The following RAP1GAP2 variants were observed in gnomAD, a reference collection of about 807,000 sequenced individuals.
RAP1GAP2 encodes RAP1 GTPase activating protein 2.
RAP1GAP2 carries 27 observed loss-of-function variants against 95.0 expected under a neutral mutation model. The ratio of observed to expected loss-of-function variants is 0.28; its 90% CI spans 0.21 to 0.39. The LOEUF is 0.39. Ranked by LOEUF, RAP1GAP2 falls within the 10% of genes least tolerant of loss-of-function variation. RAP1GAP2 has a pLI of 1.00. For synonymous variants in RAP1GAP2, 373 were observed against 380.9 expected, an observed-to-expected ratio of 0.98 and a Z score of 0.24; for missense variants, 771 against 970.0, an observed-to-expected ratio of 0.79 and a Z score of 2.72.
rs771499244 is a variant in RAP1GAP2 at position 2,998,296 on chromosome 17, G to A, written c.1120G>A (p.Asp374Asn). The part of the protein sequence containing the change: ...FQEENTPFVP[D>N]MIASNFLHAY... Reference sequence around the variant, plus strand: ...AGAGGAAAACACGCCGTTTGTCCCAGACATGATAGCCTCCAATTTCTTACA... The same window carrying A: ...AGAGGAAAACACGCCGTTTGTCCCAAACATGATAGCCTCCAATTTCTTACA... The change falls in exon 14 of 25, where the codon GAC becomes AAC. Residue 374 changes from aspartate to asparagine, a missense_variant. Asp to Asn is a conservative substitution (Grantham distance 23, BLOSUM62 1). Coordinates refer to ENST00000254695, the MANE Select transcript of RAP1GAP2 (RefSeq NM_015085.5). The A allele has an allele frequency of 1.2e-6, 2 of 1,614,074 alleles. No homozygotes were observed. The highest frequency in any genetic ancestry group is 1.7e-5 in the Admixed American group (1 of 60,034).
intron 2 of RAP1GAP2, among the ~76,000 whole-genome samples, chr17:2,838,990 T>A (rs1036760906): frequency 3.3e-5 from 5 of 151,378 alleles, no homozygotes; most frequent in African/African-American, 1.2e-4. Context: ...CTGGTAGACA[T>A]TTTTTTTTAA....
At chr17:3,017,916 CGTGTGT>C (rs56791699) in intron 17 of RAP1GAP2, 139 bp from the exon 18 acceptor site, 248 of 561,980 alleles carry the variant, frequency 4.4e-4, no homozygotes, top group East Asian at 1.5e-3. Flanking sequence ...CCTCTGTGAC[CGTGTGT>C]GTGTGTGTGT....
At chr17:3,010,765 T>C (rs8065180) in intron 17 of RAP1GAP2, among the ~76,000 whole-genome samples, 78,877 of 151,930 alleles carry the variant, frequency 0.52, 20,691 homozygotes, top group Middle Eastern at 0.66. Context: ...TTCTTTTCAA[T>C]ACTAAAACCC....
chr17:2,994,011 G>A (rs1056966428), intron 12 of RAP1GAP2, among the ~76,000 whole-genome samples: 2 of 152,098 alleles, frequency 1.3e-5, no homozygotes, highest in Admixed American at 6.5e-5. Flanking sequence ...ACACCATTGC[G>A]CTCCAGCCTG....
chr17:2,992,814 G>A (rs1462145890), intron 12 of RAP1GAP2, among the ~76,000 whole-genome samples: 9 of 151,948 alleles, frequency 5.9e-5, no homozygotes, highest in African/African-American at 1.9e-4. Flanking sequence ...GCTGTCTGGG[G>A]TCAGTCACAC....
At chr17:3,015,144 C>G (rs142567965) in intron 17 of RAP1GAP2, among the ~76,000 whole-genome samples, 2 of 152,158 alleles carry the variant, frequency 1.3e-5, no homozygotes, top group African/African-American at 4.8e-5. Context: ...AAATAGAACG[C>G]GCTGACTGTT....
intron 3 of RAP1GAP2, among the ~76,000 whole-genome samples, chr17:2,946,207 G>A (rs2043692885): frequency 6.6e-6 from 1 of 152,210 alleles, no homozygotes; most frequent in Non-Finnish European, 1.5e-5. Flanking sequence ...CGTTGAGGAT[G>A]TCTGACTCTA....
Position 2,963,776 on chromosome 17 carries a change from A to C in RAP1GAP2, c.280-80A>C. 2 of 1,225,254 alleles carry C rather than the reference A, an allele frequency of 1.6e-6. No individual in the cohort carries two copies. The highest frequency in any genetic ancestry group is 2.3e-6 in the Non-Finnish European group (2 of 882,414). 75.9% of individuals were successfully genotyped at this position (1,225,254 alleles called of 1,614,324 possible). ...GGTACCAGGCCCCACTCCTGGGAGC[A>C]GCGCAGAGGGGACACCGCCACCGGC... is the stretch of plus-strand genomic sequence containing the variant. On this transcript the variant is annotated intron_variant, in intron 6 of 24. Coordinates refer to ENST00000254695, the MANE Select transcript of RAP1GAP2 (RefSeq NM_015085.5). This position sits in a 1 kb window ranked among gnomAD's most constrained non-coding sequence, Gnocchi z 4.8.
intron 2 of RAP1GAP2, among the ~76,000 whole-genome samples, chr17:2,862,234 C>A (rs952720898): frequency 6.6e-6 from 1 of 152,172 alleles, no homozygotes; most frequent in Admixed American, 6.6e-5. Flanking sequence ...CTGGAACTGC[C>A]GCCTGATTGG....
intron 1 of RAP1GAP2, among the ~76,000 whole-genome samples, chr17:2,757,802 C>T (rs2071172940): frequency 6.6e-6 from 1 of 152,064 alleles, no homozygotes; most frequent in African/African-American, 2.4e-5. Context: ...TGTTTTGACT[C>T]ATCCTCCCAA....
rs1192729943 is a variant in RAP1GAP2, at chr17:3,016,852, G to A, written c.1495-1209G>A. ...GCCCGGGGTTACTCAGCTAATGCGTGCTGGAGTAGAGGGCCCAGAAGCCCA... is the reference window on the plus strand; with the variant it reads ...GCCCGGGGTTACTCAGCTAATGCGTACTGGAGTAGAGGGCCCAGAAGCCCA... On this transcript the variant is annotated intron_variant, in intron 17 of 24. Transcript: ENST00000254695. Among the ~76,000 whole-genome samples, 3 of 152,216 alleles carry A rather than the reference G, an allele frequency of 2.0e-5. No homozygotes were observed. The East Asian group carries it at 5.8e-4, about 29-fold the overall frequency.
At chr17:2,787,508 G>A (rs2068814818) in intron 1 of RAP1GAP2, among the ~76,000 whole-genome samples, 1 of 151,954 alleles carries the variant, frequency 6.6e-6, no homozygotes, top group African/African-American at 2.4e-5. Context: ...CCCCTGCCTT[G>A]GCCTCCCAAA....
chr17:2,933,818 A>C (rs2043227005), intron 3 of RAP1GAP2, among the ~76,000 whole-genome samples: 1 of 152,234 alleles, frequency 6.6e-6, no homozygotes, highest in Middle Eastern at 3.4e-3. Context: ...CTTTGGGGGA[A>C]GACTGGAAGT....
chr17:2,984,640 G>C (rs1014347627), intron 10 of RAP1GAP2, among the ~76,000 whole-genome samples: 3 of 152,114 alleles, frequency 2.0e-5, no homozygotes, highest in Non-Finnish European at 4.4e-5. Flanking sequence ...CCAGTTTTGG[G>C]GTTTTGGCTT....
In RAP1GAP2 at chr17:2,827,876, C is replaced by T. The variant is rs1468314453; in HGVS notation, c.80+27326C>T. Reference sequence around the variant, plus strand: ...CATACACGATCGGTTGCAGCAGGCACGCCAGTGACGGTGGGGGCCCAGGGG... The same window carrying T: ...CATACACGATCGGTTGCAGCAGGCATGCCAGTGACGGTGGGGGCCCAGGGG... On this transcript the variant is annotated intron_variant, in intron 2 of 24. Coordinates refer to ENST00000254695, the MANE Select transcript of RAP1GAP2 (RefSeq NM_015085.5). This position sits in a 1 kb window ranked among gnomAD's most constrained non-coding sequence, Gnocchi z 4.1. Among the ~76,000 whole-genome samples, 5 of 151,982 alleles carry T rather than the reference C, an allele frequency of 3.3e-5. No individual in the cohort carries two copies. Among genetic ancestry groups the T allele is most frequent in the Non-Finnish European group, 7.4e-5 (5 of 68,014 alleles).
intron 1 of RAP1GAP2, among the ~76,000 whole-genome samples, chr17:2,785,416 T>G (rs1023193057): frequency 6.8e-6 from 1 of 146,882 alleles, no homozygotes; most frequent in African/African-American, 2.5e-5. Context: ...AAAAAAAAAG[T>G]AAGATAAATA....
chr17:2,975,617 T>C (rs1172385178), intron 8 of RAP1GAP2, among the ~76,000 whole-genome samples: 2 of 152,162 alleles, frequency 1.3e-5, no homozygotes, highest in South Asian at 2.1e-4. Flanking sequence ...CTGATGGGCG[T>C]GTTTGGGAGC....
At chr17:2,974,113 G>A (rs1349282965) in intron 8 of RAP1GAP2, among the ~76,000 whole-genome samples, 9 of 151,694 alleles carry the variant, frequency 5.9e-5, no homozygotes, top group African/African-American at 1.2e-4. Context: ...AGGCCAAGGC[G>A]GGCGGATCAC....
chr17:2,844,514 G>C (rs576223815), intron 2 of RAP1GAP2, among the ~76,000 whole-genome samples: 2 of 152,344 alleles, frequency 1.3e-5, no homozygotes, highest in African/African-American at 4.8e-5. Flanking sequence ...AAGCAGGCCT[G>C]GTGGAAAGCT....
Sources: gnomAD v4.1 joint callset for allele counts (sites outside exome capture counted in the v4.1 genomes callset) on GRCh38, gnomAD v4.1.1 for gene constraint, Gnocchi (gnomAD v3.1) non-coding constraint, MANE v1.5 for transcripts, NCBI Gene and HGNC (gene_info 2026-07-23, HGNC 2026-07-21) for gene names.